ZNF3: variants seen among roughly 807,000 people sequenced by gnomAD.
ZNF3 encodes the protein C2-H2 type zinc finger protein.
In ZNF3, 16 loss-of-function variants were observed where a neutral mutation model predicts 36.9. The ratio of observed to expected loss-of-function variants is 0.43; its 90% CI spans 0.29 to 0.66. The LOEUF (loss-of-function observed/expected upper bound fraction) is 0.66. Ranked by LOEUF, ZNF3 falls within the 30% of genes least tolerant of loss-of-function variation. The pLI is 0.13. For synonymous variants in ZNF3, 201 were observed against 201.9 expected (o/e 1.00, Z 0.04); for missense variants, 462 against 543.1 (o/e 0.85, Z 1.48).
chr7:100,075,854 A>C (rs1584441966), intron 3 of ZNF3, among the ~76,000 whole-genome samples: 1 of 152,174 alleles, frequency 6.6e-6, no homozygotes, highest in East Asian at 1.9e-4. Context: ...AGGCCTGGTC[A>C]TTCTTAGTCT....
exon 6 of ZNF3, chr7:100,064,720 G>A (rs1335252417): frequency 6.2e-7 from 1 of 1,611,702 alleles, no homozygotes; most frequent in Middle Eastern, 1.7e-4. Flanking sequence ...GATAGAGTTT[G>A]TATCACTCAA....
At chr7:100,068,467 T>C (rs1584402431), downstream of ZNF3, among the ~76,000 whole-genome samples, 1 of 150,870 alleles carries the variant, frequency 6.6e-6, no homozygotes, top group African/African-American at 2.4e-5. Context: ...AGGTCAGGAG[T>C]TCAAGACCAG....
At position 100,075,236 on chromosome 7, in the gene ZNF3, G is replaced by A; in HGVS notation, c.170C>T (p.Ala57Val). The change falls in exon 5 of 6, where the codon GCT becomes GTT. Residue 57 changes from alanine to valine, a missense_variant. By Grantham distance (64) the Ala-to-Val change is moderately conservative. Coordinates refer to ENST00000299667, the MANE Select transcript of ZNF3 (RefSeq NM_032924.5). ...SQELVTFEDVAVYFIRKEWKR... is the reference protein window; with the variant it reads ...SQELVTFEDVVVYFIRKEWKR... ...CCACTCCTTCCGGATGAAGTACACA[G>A]CTACATCCTCAAAGGTTACCAGCTC... 6.2e-7 allele frequency: 1 copy of A among 1,614,154 alleles called. No individual in the cohort carries two copies. The highest frequency in any genetic ancestry group is 1.6e-4 in the Middle Eastern group (1 of 6,062).
At chr7:100,066,729 T>TCC (rs1322508540), downstream of ZNF3, among the ~76,000 whole-genome samples, 2 of 146,992 alleles carry the variant, frequency 1.4e-5, no homozygotes, top group African/African-American at 5.1e-5. Flanking sequence ...ACAGTGAGAC[T>TCC]CCATCTCAAA....
downstream of ZNF3, among the ~76,000 whole-genome samples, chr7:100,065,503 C>T (rs925892760): frequency 2.6e-5 from 4 of 151,974 alleles, no homozygotes; most frequent in African/African-American, 9.7e-5. Context: ...TGAACTGTGC[C>T]GGCACAGCTG....
At chr7:100,064,329 C>G in exon 6 of ZNF3, 1 of 1,614,172 alleles carries the variant, frequency 6.2e-7, no homozygotes, top group Non-Finnish European at 8.5e-7. Flanking sequence ...TCATTCGTCA[C>G]TATCGGATCC....
chr7:100,073,883 C>T (rs753940129), intron 5 of ZNF3, among the ~76,000 whole-genome samples: 4 of 151,764 alleles, frequency 2.6e-5, no homozygotes, highest in African/African-American at 9.7e-5. Flanking sequence ...TGGCCAGGCG[C>T]GGTGGCTCAT....
chr7:100,080,827 G>C (rs1471763108), intron 1 of ZNF3, among the ~76,000 whole-genome samples: 2 of 152,096 alleles, frequency 1.3e-5, no homozygotes, highest in Non-Finnish European at 2.9e-5. Context: ...TTTAAAAAAA[G>C]AGCTTCAATA....
At chr7:100,073,995 A>G (rs1793650715) in intron 5 of ZNF3, among the ~76,000 whole-genome samples, 1 of 152,002 alleles carries the variant, frequency 6.6e-6, no homozygotes, top group African/African-American at 2.4e-5. Flanking sequence ...GTCTCTACTA[A>G]AAATACAAAA....
chr7:100,070,645 T>G lies in ZNF3; in HGVS notation c.*498A>C, dbSNP rs1293710320. ...ATCCCTCAATGCCAAATTTCCATAATTAACGAAATCATGAAACAAAACAGC... is the reference window on the plus strand; with the variant it reads ...ATCCCTCAATGCCAAATTTCCATAAGTAACGAAATCATGAAACAAAACAGC... On this transcript the variant is annotated 3_prime_UTR_variant, in exon 6 of 6. Transcript: ENST00000299667. The G allele has an allele frequency of 1.0e-6, 1 of 989,844 alleles. No individual in the cohort carries two copies. Among genetic ancestry groups the G allele is most frequent in the Non-Finnish European group, 1.2e-6 (1 of 832,448 alleles). 61.3% of individuals were successfully genotyped at this position (989,844 alleles called of 1,614,324 possible).
At position 100,070,881 on chromosome 7, in the gene ZNF3, C is replaced by G; in HGVS notation, c.*262G>C. ...AAAGGTTCCTCTGCTGTGAGAAAAA[C>G]AGTTTAGTGCAAACTCCTTTCCTAA... On this transcript the variant is annotated 3_prime_UTR_variant, in exon 6 of 6. Transcript: ENST00000299667. 1.6e-6 allele frequency: 2 copies of G among 1,242,328 alleles called. No individual in the cohort carries two copies. Among genetic ancestry groups the G allele is most frequent in the Non-Finnish European group, 2.0e-6 (2 of 991,554 alleles). The allele number at this position is 1,242,328 out of a possible 1,614,324, so 77.0% of individuals were successfully genotyped here.
At chr7:100,067,037 C>CAAAAAAAAAAAAAAAAAAAAAAAAAAAAA (rs922826523), downstream of ZNF3, among the ~76,000 whole-genome samples, 5 of 150,188 alleles carry the variant, frequency 3.3e-5, no homozygotes, top group African/African-American at 1.2e-4. Flanking sequence ...GATTCCATCT[C>CAAAAAAAAAAAAAAAAAAAAAAAAAAAAA]AAAAAAAAAT....
At position 100,070,957 on chromosome 7, in the gene ZNF3, T is replaced by C. The variant is rs1284856953; in HGVS notation, c.*186A>G. ...TTTCTATTCCCAGCACGCCATCCAC[T>C]TGCCTTGACGCTTTCTAAGGCTGGT... On this transcript the variant is annotated 3_prime_UTR_variant, in exon 6 of 6. Coordinates refer to ENST00000299667, the MANE Select transcript of ZNF3 (RefSeq NM_032924.5). 1.4e-6 allele frequency: 2 copies of C among 1,393,374 alleles called. No homozygotes were observed. The highest frequency in any genetic ancestry group is 9.3e-7 in the Non-Finnish European group (1 of 1,079,520). The allele number at this position is 1,393,374 out of a possible 1,614,324, so 86.3% of individuals were successfully genotyped here.
downstream of ZNF3, chr7:100,065,007 A>G (rs1792574278): frequency 1.3e-6 from 2 of 1,483,276 alleles, no homozygotes; most frequent in African/African-American, 1.4e-5. Flanking sequence ...ACACAATTGA[A>G]TGAGATTCAG....
intron 3 of ZNF3, among the ~76,000 whole-genome samples, chr7:100,076,087 C>T (rs1224539306): frequency 6.6e-6 from 1 of 151,930 alleles, no homozygotes; most frequent in South Asian, 2.1e-4. Context: ...ATCCTCCTGC[C>T]TCAGCCTCCC....
downstream of ZNF3, among the ~76,000 whole-genome samples, chr7:100,065,748 T>C (rs556336635): frequency 6.6e-6 from 1 of 151,430 alleles, no homozygotes; most frequent in East Asian, 1.9e-4. Context: ...AAGTAAACAA[T>C]GTGCTGGGCA....
downstream of ZNF3, chr7:100,064,024 T>C: frequency 6.2e-7 from 1 of 1,614,114 alleles, no homozygotes; most frequent in Admixed American, 1.7e-5. Context: ...AGAGAGACGT[T>C]ATATATGTGC....
chr7:100,071,615 C>T lies in ZNF3; in HGVS notation c.869G>A (p.Gly290Glu), dbSNP rs1160683950. ...GGTGGAGCTCCAGCTGAAGGTCTTC[C>T]CACACTCATTACATTCATAGGGTTT... ...GEKPYECNEC[G>E]KTFSWSSTLT... is the part of the protein sequence containing the mutation. The change falls in exon 6 of 6, where the codon GGG becomes GAG. Residue 290 changes from glycine to glutamate, a missense_variant. Gly to Glu is a moderately conservative substitution (Grantham distance 98). Transcript: ENST00000299667. 1.9e-6 allele frequency: 3 copies of T among 1,614,076 alleles called. No homozygotes were observed. Among genetic ancestry groups the T allele is most frequent in the Admixed American group, 3.3e-5 (2 of 60,012 alleles).
downstream of ZNF3, among the ~76,000 whole-genome samples, chr7:100,068,150 TATCTC>T (rs980790521): frequency 7.4e-5 from 11 of 149,420 alleles, no homozygotes; most frequent in African/African-American, 2.4e-4. Context: ...GCAGCAGCAT[TATCTC>T]AGCTCACTGC....
Sources: gnomAD v4.1 joint callset for allele counts (sites outside exome capture counted in the v4.1 genomes callset) on GRCh38, gnomAD v4.1.1 for gene constraint, MANE v1.5 for transcripts, NCBI Gene and HGNC (gene_info 2026-07-23, HGNC 2026-07-21) for gene names.